Variants in MRPL11 observed in about 807,000 individuals in gnomAD.
The protein encoded by MRPL11 is mitochondrial ribosomal protein L11.
A neutral mutation model predicts 19.1 loss-of-function variants in MRPL11; 21 were observed. That is an observed-to-expected ratio of 1.10 (90% CI 0.78 to 1.58). The LOEUF (loss-of-function observed/expected upper bound fraction) is 1.58. MRPL11 is among the 40% of genes most tolerant of loss of function. MRPL11 has a pLI of 0.00. For synonymous variants in MRPL11, 108 were observed against 99.7 expected, an observed-to-expected ratio of 1.08 and a Z score of -0.49; for missense variants, 242 against 243.9, an observed-to-expected ratio of 0.99 and a Z score of 0.05.
At chr11:66,436,852 C>T in intron 4 of MRPL11, 2 of 1,614,148 alleles carry the variant, frequency 1.2e-6, no homozygotes, top group Non-Finnish European at 1.7e-6. Context: ...CTGAACTTCT[C>T]CCACTTGGAT....
chr11:66,438,601 C>T (rs1044181855), intron 1 of MRPL11, 31 bp downstream of exon 1: 2 of 1,486,630 alleles, frequency 1.3e-6, no homozygotes, highest in Non-Finnish European at 1.8e-6. Flanking sequence ...TCCTAGACAA[C>T]CCCCACGTCG....
Position 66,436,005 on chromosome 11 carries a change from G to C in MRPL11, c.*2C>G. On this transcript the variant is annotated 3_prime_UTR_variant, in exon 5 of 5. Transcript: ENST00000310999. ...GAAATCTGGGAGTTGGTGGGGCAAG[G>C]GTCACTTCTTGGCAGCTTCTTCTTG... 6.2e-7 allele frequency: 1 copy of C among 1,612,052 alleles called. No homozygotes were observed. Among genetic ancestry groups the C allele is most frequent in the East Asian group, 2.2e-5 (1 of 44,868 alleles).
rs529514204 is a variant in MRPL11 at position 66,437,049 on chromosome 11, C to G, written c.473+55G>C. On this transcript the variant is annotated intron_variant, in intron 4 of 4. Transcript: ENST00000310999. The stretch of plus-strand genomic sequence containing the variant: ...TGCAATGGGCCCTCTCAGCTCTGCC[C>G]GAGTCCAGAGCTTTCTGGGCCCTCT... 8 of 1,601,738 alleles carry G rather than the reference C, an allele frequency of 5.0e-6. No individual in the cohort carries two copies. In the African/African-American group the frequency reaches 9.4e-5, roughly 19 times the overall value.
rs1555033935 is a variant in MRPL11 at position 66,438,713 on chromosome 11, G to T, written c.42C>A (p.Pro14=). ...LGRAARGLRK[P]EVGGVIRAIV... The stretch of plus-strand genomic sequence containing the variant: ...TCGCCCGGATCACACCGCCGACCTC[G>T]GGCTTCCTGAGGCCCCGGGCGGCCC... The change falls in exon 1 of 5, where the codon CCC becomes CCA. Residue 14 remains proline, a synonymous_variant. Coordinates refer to ENST00000310999, the MANE Select transcript of MRPL11 (RefSeq NM_016050.5). 2.5e-6 allele frequency: 4 copies of T among 1,584,616 alleles called. No homozygotes were observed. The highest frequency in any genetic ancestry group is 3.4e-6 in the Non-Finnish European group (4 of 1,164,128).
chr11:66,438,628 G>A lies in MRPL11; in HGVS notation c.123+4C>T, dbSNP rs1248942854. ...CCCACGTCGGGTTCCCGCCACGGCC[G>A]CACCTGACCCAGCACTGGGCCTAGT... On this transcript the variant is annotated splice_donor_region_variant and intron_variant, in intron 1 of 4. Transcript: ENST00000310999. The A allele has an allele frequency of 2.0e-6, 3 of 1,506,760 alleles. No individual in the cohort carries two copies. The highest frequency in any genetic ancestry group is 2.8e-5 in the African/African-American group (2 of 71,156). 93.3% of individuals were successfully genotyped at this position (1,506,760 alleles called of 1,614,324 possible).
intron 4 of MRPL11, 123 bp downstream of exon 4, chr11:66,436,981 T>G: frequency 2.8e-6 from 2 of 723,812 alleles, no homozygotes; most frequent in Non-Finnish European, 4.3e-6. Flanking sequence ...CACCCCATCC[T>G]CTAGAATCTA....
intron 4 of MRPL11, 55 bp downstream of exon 4, chr11:66,437,046 GCCC>G: frequency 1.9e-6 from 3 of 1,590,368 alleles, no homozygotes; most frequent in Non-Finnish European, 2.6e-6. Flanking sequence ...TCTCAGCTCT[GCCC>G]GAGTCCAGAG....
In MRPL11 at chr11:66,435,293, T is replaced by C. The variant is rs1446950256; in HGVS notation, c.*714A>G. On this transcript the variant is annotated 3_prime_UTR_variant, in exon 5 of 5. Transcript: ENST00000310999. ...ACTTCTCCATCAGGCAGGAACCTAC[T>C]GAAGCTTTGCTCTTTCTGTGGTCTG... The C allele has an allele frequency of 6.6e-6, 1 of 152,260 alleles. No homozygotes were observed. The highest frequency in any genetic ancestry group is 6.5e-5 in the Admixed American group (1 of 15,286). 9.4% of individuals were successfully genotyped at this position (152,260 alleles called of 1,614,324 possible).
Position 66,438,810 on chromosome 11 carries a change from G to C in MRPL11, c.-56C>G. On this transcript the variant is annotated 5_prime_UTR_variant, in exon 1 of 5. Transcript: ENST00000310999. ...AGGGGAGCAGCAAGAGCGAAGCTCTGGGCGCCACCATCTTGGGCCAGAGGT... is the reference window on the plus strand; with the variant it reads ...AGGGGAGCAGCAAGAGCGAAGCTCTCGGCGCCACCATCTTGGGCCAGAGGT... The C allele has an allele frequency of 7.1e-7, 1 of 1,410,660 alleles. No individual in the cohort carries two copies. Among genetic ancestry groups the C allele is most frequent in the Non-Finnish European group, 9.3e-7 (1 of 1,074,276 alleles). The allele number at this position is 1,410,660 out of a possible 1,614,324, so 87.4% of individuals were successfully genotyped here.
Position 66,438,641 on chromosome 11 carries a change from C to T in MRPL11, c.114G>A (p.Val38=). ...CCCGCCACGGCCGCACCTGACCCAG[C>T]ACTGGGCCTAGTGGGGGCCCGGGCA... ...LAMPGPPLGP[V]LGQRGVSINQ... is the part of the protein sequence containing the mutation. The change falls in exon 1 of 5, where the codon GTG becomes GTA. Residue 38 remains valine, a synonymous_variant. Coordinates refer to ENST00000310999, the MANE Select transcript of MRPL11 (RefSeq NM_016050.5). The T allele has an allele frequency of 6.5e-7, 1 of 1,544,746 alleles. No homozygotes were observed. The highest frequency in any genetic ancestry group is 8.7e-7 in the Non-Finnish European group (1 of 1,144,456).
At chr11:66,437,016 T>C (rs1856985747) in intron 4 of MRPL11, 88 bp downstream of exon 4, 3 of 1,278,746 alleles carry the variant, frequency 2.3e-6, no homozygotes, top group Non-Finnish European at 2.1e-6. Flanking sequence ...AAAAGCTGAC[T>C]TTCCCACTGC....
At chr11:66,436,774 G>T in intron 4 of MRPL11, 3 of 1,475,286 alleles carry the variant, frequency 2.0e-6, no homozygotes, top group Non-Finnish European at 2.8e-6. Context: ...CAGCTCAAAA[G>T]TCCTTCGCAC....
chr11:66,438,185 C>T lies in MRPL11; in HGVS notation c.198G>A (p.Leu66=), dbSNP rs769021292. 15 of 1,613,398 alleles carry T rather than the reference C, an allele frequency of 9.3e-6. No individual in the cohort carries two copies. The Middle Eastern group carries it at 6.6e-4, about 71-fold the overall frequency. ...CCACCTTCACTAAAATCTTGGTAGG[C>T]AGAGGAATGCCTTCCTTGATGTCCT... ...RTKDIKEGIP[L]PTKILVKPDR... is the part of the protein sequence containing the mutation. The change falls in exon 2 of 5, where the codon CTG becomes CTA. Residue 66 remains leucine (L), a synonymous_variant. Coordinates refer to ENST00000310999, the MANE Select transcript of MRPL11 (RefSeq NM_016050.5).
At chr11:66,436,697 C>A in intron 4 of MRPL11, 1 of 744,864 alleles carries the variant, frequency 1.3e-6, no homozygotes, top group South Asian at 1.7e-5. Flanking sequence ...TGAAACAATT[C>A]CTGAAGTCAT....
At position 66,435,668 on chromosome 11, in the gene MRPL11, A is replaced by G; in HGVS notation, c.*339T>C. The G allele has an allele frequency of 5.1e-6, 1 of 194,638 alleles. No individual in the cohort carries two copies. The highest frequency in any genetic ancestry group is 1.1e-5 in the Non-Finnish European group (1 of 93,732). 12.1% of individuals were successfully genotyped at this position (194,638 alleles called of 1,614,324 possible). A position where few individuals can be genotyped will look rare whatever the true frequency, so the allele number is the denominator to read the frequency against. On this transcript the variant is annotated 3_prime_UTR_variant, in exon 5 of 5. Transcript: ENST00000310999. ...ACCTGGGCAATAAAACAAAATTATA[A>G]CTTAAAAAAGAAAAAAAAGGACCTG...
chr11:66,438,225 A>G lies in MRPL11; in HGVS notation c.158T>C (p.Phe53Ser), dbSNP rs1857027158. Residue 53 changes from phenylalanine (F) to serine (S), a missense_variant, in exon 2 of 5, where the codon TTC (phenylalanine) becomes TCC (serine). Transcript: ENST00000310999. ...GVSINQFCKE[F>S]NERTKDIKEG... Reference sequence around the variant, plus strand: ...CTTGATGTCCTTTGTCCTCTCATTGAACTCCTTGCAAAACTGGTTGATGGA... The same window carrying G: ...CTTGATGTCCTTTGTCCTCTCATTGGACTCCTTGCAAAACTGGTTGATGGA... 1 of 1,613,930 alleles carries G rather than the reference A, an allele frequency of 6.2e-7. No individual in the cohort carries two copies. Among genetic ancestry groups the G allele is most frequent in the Non-Finnish European group, 8.5e-7 (1 of 1,179,954 alleles).
In MRPL11 at chr11:66,436,025, T is replaced by C. The variant is rs760163125; in HGVS notation, c.561A>G (p.Glu187=). 95 of 1,613,614 alleles carry C rather than the reference T, an allele frequency of 5.9e-5. No homozygotes were observed. Among genetic ancestry groups the C allele is most frequent in the Non-Finnish European group, 8.0e-5 (94 of 1,179,826 alleles). The part of the protein sequence containing the change: ...AQKEADLAAQ[E]EAAKK ...GCAAGGGTCACTTCTTGGCAGCTTC[T>C]TCTTGGGCAGCCAAATCTGCCTCCT... The change falls in exon 5 of 5, where the codon GAA becomes GAG. Residue 187 remains glutamate (E), a synonymous_variant. Coordinates refer to ENST00000310999, the MANE Select transcript of MRPL11 (RefSeq NM_016050.5).
chr11:66,437,009 A>T, intron 4 of MRPL11, 95 bp downstream of exon 4: 1 of 1,582,120 alleles, frequency 6.3e-7, no homozygotes, highest in Non-Finnish European at 8.6e-7. Flanking sequence ...TTGACTTAAA[A>T]GCTGACTTTC....
At chr11:66,436,791 T>C in intron 4 of MRPL11, 1 of 1,573,412 alleles carries the variant, frequency 6.4e-7, no homozygotes, top group Non-Finnish European at 8.7e-7. Context: ...GCACTGGTCC[T>C]TCCCTCATAC....
Sources: gnomAD v4.1 joint callset for allele counts on GRCh38, gnomAD v4.1.1 for gene constraint, MANE v1.5 for transcripts, NCBI Gene and HGNC (gene_info 2026-07-23, HGNC 2026-07-21) for gene names.